The following RBM19 variants were observed in gnomAD, a reference collection of about 807,000 sequenced individuals.
The protein encoded by RBM19 is RNA binding motif protein 19.
A neutral mutation model predicts 116.8 loss-of-function variants in RBM19; 94 were observed. The observed-to-expected ratio is 0.80, with a 90% confidence interval of 0.68 to 0.95. The LOEUF is 0.95. RBM19 is among the 40% of genes least tolerant of loss of function. The pLI is 0.00. For missense variants in RBM19, 1,161 were observed against 1,220.7 expected (o/e 0.95, Z 0.73); for synonymous variants, 475 against 494.1 (o/e 0.96, Z 0.51).
intron 23 of RBM19, among the ~76,000 whole-genome samples, chr12:113,840,595 C>T (rs1410623848): frequency 5.9e-5 from 9 of 152,384 alleles, no homozygotes; most frequent in African/African-American, 2.2e-4. Flanking sequence ...CAATTTGGGC[C>T]TGTGGCCGAC....
chr12:113,920,815 C>G (rs1566017933), intron 18 of RBM19, 125 bp from the exon 19 acceptor site: 1 of 834,024 alleles, frequency 1.2e-6, no homozygotes, highest in South Asian at 1.6e-5. Context: ...CCTTCATTCC[C>G]CCCAAAAATC....
At chr12:113,941,802 G>C (rs1268375242) in intron 14 of RBM19, among the ~76,000 whole-genome samples, 2 of 152,146 alleles carry the variant, frequency 1.3e-5, no homozygotes. Flanking sequence ...TTTAGTCCAG[G>C]CTCCTCTCAC....
At chr12:113,956,323 G>A (rs1871937082) in intron 6 of RBM19, among the ~76,000 whole-genome samples, 1 of 152,142 alleles carries the variant, frequency 6.6e-6, no homozygotes, top group African/African-American at 2.4e-5. Context: ...GCTCAGGCCT[G>A]TAATCCCAGC....
At chr12:113,876,255 C>T (rs1593519983) in intron 21 of RBM19, among the ~76,000 whole-genome samples, 1 of 152,154 alleles carries the variant, frequency 6.6e-6, no homozygotes, top group Non-Finnish European at 1.5e-5. Flanking sequence ...GAGTGGCTGC[C>T]ACCCACACTG....
At chr12:113,914,300 G>A (rs758738092) in intron 21 of RBM19, among the ~76,000 whole-genome samples, 6 of 152,238 alleles carry the variant, frequency 3.9e-5, no homozygotes, top group Non-Finnish European at 7.3e-5. Context: ...CCAGCCTGCT[G>A]CCGTTACCGG....
At chr12:113,828,647 C>G (rs1012304252) in intron 23 of RBM19, among the ~76,000 whole-genome samples, 1 of 152,090 alleles carries the variant, frequency 6.6e-6, no homozygotes, top group African/African-American at 2.4e-5. Context: ...ACCTGTAGCT[C>G]CCACCCTTGG....
intron 6 of RBM19, 39 bp downstream of exon 6, chr12:113,957,743 C>G: frequency 1.3e-6 from 2 of 1,529,954 alleles, no homozygotes; most frequent in Non-Finnish European, 1.8e-6. Flanking sequence ...AGCAGGAGAG[C>G]GCACCTCCTC....
At position 113,956,392 on chromosome 12, in the gene RBM19, A is replaced by C. The variant is rs1871940664; in HGVS notation, c.841-1181T>G. On this transcript the variant is annotated intron_variant, in intron 6 of 23. Coordinates refer to ENST00000261741, the MANE Select transcript of RBM19 (RefSeq NM_016196.4). The stretch of plus-strand genomic sequence containing the variant: ...GGCCAGGAGCTCAAGATCAGCCTGG[A>C]CAATATGGTGAAACTCCATCTCTAC... Among the ~76,000 whole-genome samples, 3 of 151,886 alleles carry C rather than the reference A, an allele frequency of 2.0e-5. No homozygotes were observed. In the South Asian group the frequency reaches 6.3e-4, roughly 32 times the overall value.
chr12:113,957,393 T>C (rs373248808), intron 6 of RBM19, among the ~76,000 whole-genome samples: 6 of 152,030 alleles, frequency 3.9e-5, no homozygotes, highest in African/African-American at 7.2e-5. Flanking sequence ...CTGGCTAACA[T>C]GACAAAACCC....
At position 113,918,560 on chromosome 12, in the gene RBM19, C is replaced by T. The variant is rs117728820; in HGVS notation, c.2386-113G>A. On this transcript the variant is annotated intron_variant, in intron 19 of 23. Coordinates refer to ENST00000261741, the MANE Select transcript of RBM19 (RefSeq NM_016196.4). ...CGCAGATGGGAGCCTGATTGTTCCCCGGGGAGTGGGGCTAGCTGGTCTAGA... is the reference window on the plus strand; with the variant it reads ...CGCAGATGGGAGCCTGATTGTTCCCTGGGGAGTGGGGCTAGCTGGTCTAGA... 21,093 of 1,088,398 alleles carry T rather than the reference C, an allele frequency of 0.019. 270 individuals carry two copies. The highest frequency in any genetic ancestry group is 0.025 in the Non-Finnish European group (18,154 of 733,136). 67.4% of individuals were successfully genotyped at this position (1,088,398 alleles called of 1,614,324 possible).
rs990706020 is a variant in RBM19 at position 113,888,517 on chromosome 12, G to A, written c.2558+26452C>T. On this transcript the variant is annotated intron_variant, in intron 21 of 23. Coordinates refer to ENST00000261741, the MANE Select transcript of RBM19 (RefSeq NM_016196.4). Reference sequence around the variant, plus strand: ...TCCCAGGAACAGTATGACAATTTCCGTATATTGTATATGATTTTTTTCAAA... The same window carrying A: ...TCCCAGGAACAGTATGACAATTTCCATATATTGTATATGATTTTTTTCAAA... Among the ~76,000 whole-genome samples, 27 of 152,240 alleles carry A rather than the reference G, an allele frequency of 1.8e-4. 1 individual carries two copies. Among genetic ancestry groups the A allele is most frequent in the East Asian group, 7.7e-4 (4 of 5,174 alleles).
At chr12:113,906,843 A>G (rs1882078950) in intron 21 of RBM19, among the ~76,000 whole-genome samples, 1 of 152,096 alleles carries the variant, frequency 6.6e-6, no homozygotes, top group South Asian at 2.1e-4. Context: ...ACCTCTACAG[A>G]TGTGATCAAG....
Position 113,942,357 on chromosome 12 carries a change from T to C in RBM19, c.1704A>G (p.Ile568Met), listed in dbSNP as rs1302978593. Residue 568 changes from isoleucine to methionine, a missense_variant, in exon 14 of 24, where the codon ATA becomes ATG. By Grantham distance (10) the Ile-to-Met change is conservative. Coordinates refer to ENST00000261741, the MANE Select transcript of RBM19 (RefSeq NM_016196.4). ...AGGAATCCAGGCTGACCCCGTTGTC[T>C]ATGAGAAAACGCCGCACTTCCTGGA... is the stretch of plus-strand genomic sequence containing the variant. ...QLVQEVRRFL[I>M]DNGVSLDSFS... 1.7e-5 allele frequency: 27 copies of C among 1,608,328 alleles called. No individual in the cohort carries two copies. The highest frequency in any genetic ancestry group is 2.2e-5 in the Non-Finnish European group (26 of 1,179,872).
chr12:113,868,122 A>G (rs1878969217), intron 21 of RBM19, among the ~76,000 whole-genome samples: 1 of 152,072 alleles, frequency 6.6e-6, no homozygotes. Flanking sequence ...GTCCTCAGTA[A>G]CTCTGTGGGG....
intron 17 of RBM19, 98 bp downstream of exon 17, chr12:113,926,956 C>A: frequency 7.4e-7 from 1 of 1,350,424 alleles, no homozygotes; most frequent in Non-Finnish European, 1.0e-6. Context: ...CATATTAACA[C>A]GCATCATGTT....
intron 21 of RBM19, among the ~76,000 whole-genome samples, chr12:113,889,538 C>G (rs546033262): frequency 6.6e-6 from 1 of 152,196 alleles, no homozygotes; most frequent in African/African-American, 2.4e-5. Context: ...CCTGCAGTCA[C>G]TCTGCCTTTA....
At chr12:113,894,976 C>T (rs986499463) in intron 21 of RBM19, among the ~76,000 whole-genome samples, 31 of 152,196 alleles carry the variant, frequency 2.0e-4, no homozygotes, top group Admixed American at 1.8e-3. Context: ...CAAGGCCCAT[C>T]GCAGGGGACG....
chr12:113,895,897 T>C (rs1054606242), intron 21 of RBM19, among the ~76,000 whole-genome samples: 3 of 150,892 alleles, frequency 2.0e-5, no homozygotes, highest in Non-Finnish European at 4.4e-5. Context: ...ATTTTATATA[T>C]GTGTATATAT....
chr12:113,887,044 T>C (rs932618405), intron 21 of RBM19, among the ~76,000 whole-genome samples: 37 of 152,148 alleles, frequency 2.4e-4, no homozygotes, highest in Admixed American at 2.1e-3. Context: ...TTAAAATATT[T>C]TGGGGGAAAA....
Sources: allele counts gnomAD v4.1 joint callset (sites outside exome capture counted in the v4.1 genomes callset), GRCh38; gene constraint gnomAD v4.1.1; transcripts MANE v1.5; gene names NCBI Gene and HGNC (gene_info 2026-07-23, HGNC 2026-07-21).